PIAS1: variants seen among roughly 807,000 people sequenced by gnomAD.
PIAS1 encodes protein inhibitor of activated STAT 1.
A neutral mutation model predicts 71.3 loss-of-function variants in PIAS1; 6 were observed. The observed-to-expected ratio is 0.08, with a 90% CI of 0.05 to 0.17. The LOEUF (loss-of-function observed/expected upper bound fraction) is 0.17, where lower values mean the gene tolerates loss of function less well. Ranked by LOEUF, PIAS1 falls within the 10% of genes least tolerant of loss-of-function variation. The pLI is 1.00. For synonymous variants in PIAS1, 303 were observed against 292.9 expected, an observed-to-expected ratio of 1.03 and a Z score of -0.35; for missense variants, 555 against 793.6, an observed-to-expected ratio of 0.70 and a Z score of 3.61.
intron 7 of PIAS1, among the ~76,000 whole-genome samples, chr15:68,162,702 T>TA (rs1352908951): frequency 1.3e-5 from 2 of 152,210 alleles, no homozygotes; most frequent in South Asian, 2.1e-4. Flanking sequence ...GAAGGGCTGA[T>TA]ATGGTGGTAC....
At chr15:68,169,171 A>C (rs944082933) in intron 8 of PIAS1, among the ~76,000 whole-genome samples, 4 of 152,230 alleles carry the variant, frequency 2.6e-5, no homozygotes, top group African/African-American at 9.7e-5. Flanking sequence ...CAATAGCAAA[A>C]GTACCTTATA....
chr15:68,065,418 C>T (rs553765362), intron 1 of PIAS1, among the ~76,000 whole-genome samples: 1 of 151,924 alleles, frequency 6.6e-6, no homozygotes, highest in Non-Finnish European at 1.5e-5. Context: ...GGCAAAACCA[C>T]ATCTCTACCA....
intron 1 of PIAS1, among the ~76,000 whole-genome samples, chr15:68,070,876 C>A (rs937247336): frequency 6.6e-6 from 1 of 152,270 alleles, no homozygotes; most frequent in South Asian, 2.1e-4. Context: ...CTACCTCAGC[C>A]TCTGAAAGCG....
intron 6 of PIAS1, among the ~76,000 whole-genome samples, chr15:68,152,155 T>G (rs1412152242): frequency 6.6e-6 from 1 of 151,766 alleles, no homozygotes; most frequent in African/African-American, 2.4e-5. Context: ...TTTACCACGT[T>G]AGCCAGGATG....
At chr15:68,072,399 C>CA (rs1166484451) in intron 1 of PIAS1, among the ~76,000 whole-genome samples, 1,210 of 24,974 alleles carry the variant, frequency 0.048, 188 homozygotes, top group African/African-American at 0.064. Flanking sequence ...GACTCCATCT[C>CA]AAAAAAAAAA....
intron 2 of PIAS1, among the ~76,000 whole-genome samples, chr15:68,108,996 C>A (rs541778408): frequency 6.6e-6 from 1 of 152,290 alleles, no homozygotes; most frequent in East Asian, 1.9e-4. Flanking sequence ...AAAAGCTAAT[C>A]ATGTTACTCC....
intron 2 of PIAS1, among the ~76,000 whole-genome samples, chr15:68,087,253 GGCATGC>G (rs923004876): frequency 1.3e-5 from 2 of 151,920 alleles, no homozygotes; most frequent in African/African-American, 4.8e-5. Flanking sequence ...ATGCTTTACA[GGCATGC>G]ACATGCACAT....
At chr15:68,093,518 T>C (rs1411797804) in intron 2 of PIAS1, among the ~76,000 whole-genome samples, 1 of 152,240 alleles carries the variant, frequency 6.6e-6, no homozygotes, top group Non-Finnish European at 1.5e-5. Context: ...TGAATTTCTT[T>C]TGCGCCATTC....
Position 68,174,004 on chromosome 15 carries a change from T to A in PIAS1, c.1169+112T>A. ...AAGTTATATATTTGTAGGATTTTTG[T>A]GAGTCTGCAAACCAATATTTTCAAA... is the stretch of plus-strand genomic sequence containing the variant. On this transcript the variant is annotated intron_variant, in intron 9 of 13. Coordinates refer to ENST00000249636, the MANE Select transcript of PIAS1 (RefSeq NM_016166.3). This position sits in a 1 kb window ranked among gnomAD's most constrained non-coding sequence, Gnocchi z 4.0. 1.7e-6 allele frequency: 1 copy of A among 579,358 alleles called. No individual in the cohort carries two copies. The highest frequency in any genetic ancestry group is 2.7e-6 in the Non-Finnish European group (1 of 374,728). 35.9% of individuals were successfully genotyped at this position (579,358 alleles called of 1,614,324 possible).
Position 68,187,531 on chromosome 15 carries a change from C to A in PIAS1, c.1663-11C>A, listed in dbSNP as rs745974427. 3.1e-6 allele frequency: 5 copies of A among 1,607,726 alleles called. No individual in the cohort carries two copies. In the Admixed American group the frequency reaches 5.0e-5, roughly 16 times the overall value. The stretch of plus-strand genomic sequence containing the variant: ...ATTAACATTTTTGTGTCTTTTGTTT[C>A]CCCTCCCTAGCATTACAACACCTCC... On this transcript the variant is annotated splice_polypyrimidine_tract_variant and intron_variant, in intron 13 of 13. Coordinates refer to ENST00000249636, the MANE Select transcript of PIAS1 (RefSeq NM_016166.3). The surrounding 1 kb of genome is among the most constrained non-coding windows in gnomAD (Gnocchi z 5.3).
intron 6 of PIAS1, 136 bp downstream of exon 6, chr15:68,146,836 CAT>C (rs1484504828): frequency 5.5e-6 from 4 of 726,250 alleles, no homozygotes; most frequent in Non-Finnish European, 9.3e-6. Context: ...GAATTTTCAA[CAT>C]GTTTCCATTT....
intron 1 of PIAS1, among the ~76,000 whole-genome samples, chr15:68,059,022 T>G (rs1227843102): frequency 9.5e-6 from 1 of 105,160 alleles, no homozygotes; most frequent in Non-Finnish European, 2.0e-5. Flanking sequence ...TTTTTTTTTT[T>G]GAGACGGAGT....
rs184065267 is a variant in PIAS1, at chr15:68,126,910, C to A, written c.470-15036C>A. Among the ~76,000 whole-genome samples the A allele has an allele frequency of 3.0e-4, 45 of 151,056 alleles. 2 individuals carry two copies. In the East Asian group the frequency reaches 3.3e-3, roughly 11 times the overall value. ...CTGATACTTAGTCGTGCTGGCATGT[C>A]TGTTCATTTTTTTTGACTTATTTTA... On this transcript the variant is annotated intron_variant, in intron 2 of 13. Transcript: ENST00000249636.
intron 2 of PIAS1, among the ~76,000 whole-genome samples, chr15:68,133,359 T>C (rs540851466): frequency 2.6e-4 from 40 of 152,266 alleles, no homozygotes; most frequent in African/African-American, 9.6e-4. Flanking sequence ...TTCATAGGTT[T>C]ATTGTAATTC....
At position 68,171,926 on chromosome 15, in the gene PIAS1, T is replaced by C. The variant is rs1265037963; in HGVS notation, c.1009-1806T>C. Among the ~76,000 whole-genome samples, 1 of 151,766 alleles carries C rather than the reference T, an allele frequency of 6.6e-6. No homozygotes were observed. Among genetic ancestry groups the C allele is most frequent in the East Asian group, 1.9e-4 (1 of 5,192 alleles). On this transcript the variant is annotated intron_variant, in intron 8 of 13. Coordinates refer to ENST00000249636, the MANE Select transcript of PIAS1 (RefSeq NM_016166.3). This position sits in a 1 kb window ranked among gnomAD's most constrained non-coding sequence, Gnocchi z 4.4. ...CATATATATTTTTTTCTTTTATATG[T>C]TTTATATATATATAAAATACTTTAA...
At chr15:68,125,723 CAG>C (rs1353965047) in intron 2 of PIAS1, among the ~76,000 whole-genome samples, 1 of 151,746 alleles carries the variant, frequency 6.6e-6, no homozygotes, top group Non-Finnish European at 1.5e-5. Flanking sequence ...TTTTTAGAGA[CAG>C]GGTCTCACTG....
At chr15:68,091,101 A>G (rs1031567050) in intron 2 of PIAS1, among the ~76,000 whole-genome samples, 1 of 152,218 alleles carries the variant, frequency 6.6e-6, no homozygotes, top group Non-Finnish European at 1.5e-5. Flanking sequence ...GTTAAGGGGT[A>G]CTTTGTTTGA....
At chr15:68,128,469 A>C (rs1448942079) in intron 2 of PIAS1, among the ~76,000 whole-genome samples, 3 of 152,152 alleles carry the variant, frequency 2.0e-5, no homozygotes, top group African/African-American at 7.2e-5. Context: ...CCTTTAAGAA[A>C]TATTATATCT....
Position 68,173,721 on chromosome 15 carries a change from C to T in PIAS1, c.1009-11C>T. On this transcript the variant is annotated splice_polypyrimidine_tract_variant and intron_variant, in intron 8 of 13. Coordinates refer to ENST00000249636, the MANE Select transcript of PIAS1 (RefSeq NM_016166.3). This position sits in a 1 kb window ranked among gnomAD's most constrained non-coding sequence, Gnocchi z 4.3. ...AATTATCTAATATTTACTTTTTCTCCCTTTTTAAAGCTTGGTAAAATGCGG... is the reference window on the plus strand; with the variant it reads ...AATTATCTAATATTTACTTTTTCTCTCTTTTTAAAGCTTGGTAAAATGCGG... The T allele has an allele frequency of 3.3e-6, 5 of 1,501,328 alleles. No homozygotes were observed. Among genetic ancestry groups the T allele is most frequent in the Non-Finnish European group, 2.7e-6 (3 of 1,114,304 alleles). The allele number at this position is 1,501,328 out of a possible 1,614,324, so 93.0% of individuals were successfully genotyped here.
Sources: gnomAD v4.1 joint callset for allele counts (sites outside exome capture counted in the v4.1 genomes callset) on GRCh38, gnomAD v4.1.1 for gene constraint, Gnocchi (gnomAD v3.1) non-coding constraint, MANE v1.5 for transcripts, NCBI Gene and HGNC (gene_info 2026-07-23, HGNC 2026-07-21) for gene names.